Variants in PHF8 observed in about 807,000 individuals in gnomAD.
The protein encoded by PHF8 is PHD finger protein 8, also known as histone lysine demethylase PHF8.
A neutral mutation model predicts 74.4 loss-of-function variants in PHF8; 9 were observed. That is an observed-to-expected ratio of 0.12 (90% CI 0.07 to 0.21). The LOEUF is 0.21. PHF8 is among the 10% of genes least tolerant of loss of function. The probability of loss-of-function intolerance (pLI) is 1.00; values close to 1 mark genes in which losing one functional copy is unlikely to be tolerated. For synonymous variants in PHF8, 311 were observed against 316.6 expected (o/e 0.98, Z 0.19); for missense variants, 478 against 816.6 (o/e 0.59, Z 5.05).
At chrX:54,002,739 T>C (rs1200408099) in intron 8 of PHF8, 57 bp from the exon 9 acceptor site, 37 of 783,664 alleles carry the variant, frequency 4.7e-5, no homozygotes, top group Non-Finnish European at 7.0e-5. Flanking sequence ...CCTCTGATTA[T>C]CTCCACTACC....
chrX:53,943,260 A>T, intron 20 of PHF8: 4 of 953,873 alleles, frequency 4.2e-6, no homozygotes, highest in Non-Finnish European at 5.6e-6. Context: ...TTTAAATAGG[A>T]TGTAATGACT....
At chrX:54,024,122 T>C (rs1279347209) in intron 2 of PHF8, among the ~76,000 whole-genome samples, 1 of 111,768 alleles carries the variant, frequency 8.9e-6, no homozygotes, top group African/African-American at 3.3e-5. Flanking sequence ...TAAGATAATG[T>C]ATATAAAGTG....
chrX:54,001,074 TCCCAGCA>T (rs1482660141), intron 10 of PHF8, among the ~76,000 whole-genome samples: 1 of 112,354 alleles, frequency 8.9e-6, no homozygotes, highest in Non-Finnish European at 1.9e-5. Context: ...ACGCCTGTAA[TCCCAGCA>T]CATTGGGAGA....
At chrX:54,020,239 G>A (rs1266249313) in intron 4 of PHF8, among the ~76,000 whole-genome samples, 2 of 112,090 alleles carry the variant, frequency 1.8e-5, no homozygotes, top group Non-Finnish European at 3.8e-5. Context: ...TATTGGCTAG[G>A]ATATAGGAAA....
chrX:53,967,211 T>C (rs1268580410), intron 18 of PHF8, among the ~76,000 whole-genome samples: 3 of 92,406 alleles, frequency 3.2e-5, no homozygotes, highest in Admixed American at 2.3e-4. Flanking sequence ...CGGCCGCCCC[T>C]ACTGGGAAGT....
At position 53,940,106 on chromosome X, in the gene PHF8, T is replaced by G. The variant is rs2064726697; in HGVS notation, c.2986+74A>C. The G allele has an allele frequency of 1.8e-5, 15 of 835,816 alleles. No individual in the cohort carries two copies. In the South Asian group the frequency reaches 2.4e-4, roughly 14 times the overall value. The allele number at this position is 835,816 out of a possible 1,213,427, so 68.9% of individuals were successfully genotyped here. A position where few individuals can be genotyped will look rare whatever the true frequency, so the allele number is the denominator to read the frequency against. On this transcript the variant is annotated intron_variant, in intron 21 of 21. Transcript: ENST00000338154. The stretch of plus-strand genomic sequence containing the variant: ...TCAGTGTCCCTCCCTGGTATTGTCA[T>G]CTACTAGAGCACTTAGGATTTAGGG...
At chrX:53,965,940 C>T (rs1283454545) in intron 18 of PHF8, among the ~76,000 whole-genome samples, 1 of 110,012 alleles carries the variant, frequency 9.1e-6, no homozygotes. Flanking sequence ...AAAAACTGTC[C>T]CTAAGGAAGC....
intron 19 of PHF8, among the ~76,000 whole-genome samples, chrX:53,960,120 G>A (rs1251790508): frequency 9.2e-6 from 1 of 108,945 alleles, no homozygotes; most frequent in Non-Finnish European, 1.9e-5. Context: ...CTGTCACCCA[G>A]GCTGGAGTGT....
At chrX:54,020,524 A>G (rs1245403171) in intron 4 of PHF8, among the ~76,000 whole-genome samples, 1 of 111,802 alleles carries the variant, frequency 8.9e-6, no homozygotes, top group Non-Finnish European at 1.9e-5. Context: ...AAAAAAAAGC[A>G]AGATACAGAA....
At chrX:53,943,616 T>C (rs1301475861) in intron 20 of PHF8, among the ~76,000 whole-genome samples, 1 of 111,934 alleles carries the variant, frequency 8.9e-6, no homozygotes, top group Non-Finnish European at 1.9e-5. Context: ...TTAAAGAACT[T>C]TTAGATGTAA....
intron 20 of PHF8, among the ~76,000 whole-genome samples, chrX:53,942,381 C>A (rs1263239866): frequency 6.2e-5 from 7 of 112,194 alleles, no homozygotes; most frequent in Non-Finnish European, 1.3e-4. Flanking sequence ...AATTAACTTG[C>A]CCAAATGGTA....
intron 19 of PHF8, among the ~76,000 whole-genome samples, chrX:53,945,418 G>C (rs1191526421): frequency 9.1e-6 from 1 of 109,449 alleles, no homozygotes; most frequent in East Asian, 2.9e-4. Flanking sequence ...GCTGAGGCAT[G>C]AGAATTGCTT....
intron 7 of PHF8, among the ~76,000 whole-genome samples, chrX:54,011,735 A>G (rs2065984197): frequency 9.0e-6 from 1 of 111,046 alleles, no homozygotes; most frequent in African/African-American, 3.3e-5. Context: ...CAAAGCTAAT[A>G]AAAGTTTAAA....
intron 2 of PHF8, among the ~76,000 whole-genome samples, chrX:54,038,766 T>C (rs2066503653): frequency 9.0e-6 from 1 of 111,690 alleles, no homozygotes; most frequent in Non-Finnish European, 1.9e-5. Context: ...TTGCCTCGCT[T>C]GTTATAACCT....
At chrX:54,040,049 G>T (rs2066526884) in intron 2 of PHF8, 1 of 112,124 alleles carries the variant, frequency 8.9e-6, no homozygotes, top group African/African-American at 3.2e-5. Flanking sequence ...CTTTTTCTGT[G>T]TTTTCTACAA....
rs782306751 is a variant in PHF8, at chrX:54,011,156, G to T, written c.912C>A (p.Ser304=). 8.3e-7 allele frequency: 1 copy of T among 1,208,517 alleles called. No individual in the cohort carries two copies. The highest frequency in any genetic ancestry group is 1.1e-6 in the Non-Finnish European group (1 of 893,825). ...TGAAAAGTGTCTGTCCTTGCTTCAC[G>T]GAACACTTGTAGCACTTGTCCACCT... is the stretch of plus-strand genomic sequence containing the variant. ...GDQVDKCYKC[S]VKQGQTLFIP... The change falls in exon 8 of 22, where the codon TCC becomes TCA. Residue 304 remains serine, a synonymous_variant. Coordinates refer to ENST00000338154, the MANE Select transcript of PHF8 (RefSeq NM_015107.3).
chrX:53,967,005 C>CT (rs1222569584), intron 18 of PHF8, among the ~76,000 whole-genome samples: 2 of 99,131 alleles, frequency 2.0e-5, no homozygotes, highest in African/African-American at 8.2e-5. Flanking sequence ...GCAACCGCCC[C>CT]ATCTGAGAAG....
At chrX:53,973,690 C>A (rs1157099889) in intron 18 of PHF8, among the ~76,000 whole-genome samples, 1 of 111,278 alleles carries the variant, frequency 9.0e-6, no homozygotes, top group Non-Finnish European at 1.9e-5. Flanking sequence ...CTATAAAAAC[C>A]CTAGAAGAAA....
At chrX:53,974,253 G>A (rs1308753043) in intron 18 of PHF8, among the ~76,000 whole-genome samples, 3 of 109,983 alleles carry the variant, frequency 2.7e-5, no homozygotes, top group East Asian at 2.8e-4. Context: ...GCGACAGAGC[G>A]AGACTCCGTC....
Sources: gnomAD v4.1 joint callset for allele counts (sites outside exome capture counted in the v4.1 genomes callset) on GRCh38, gnomAD v4.1.1 for gene constraint, MANE v1.5 for transcripts, NCBI Gene and HGNC (gene_info 2026-07-23, HGNC 2026-07-21) for gene names.